The following SYN3 variants were observed in gnomAD, a reference collection of about 807,000 sequenced individuals.
SYN3 encodes the protein synapsin-3.
In SYN3, 35 loss-of-function variants were observed where a neutral mutation model predicts 65.8. The ratio of observed to expected loss-of-function variants is 0.53; its 90% CI spans 0.41 to 0.70. The LOEUF (loss-of-function observed/expected upper bound fraction) is 0.70, where lower values mean the gene tolerates loss of function less well. SYN3 is among the 30% of genes least tolerant of loss of function. The probability of loss-of-function intolerance (pLI) is 0.00; values close to 1 mark genes in which losing one functional copy is unlikely to be tolerated. For missense variants in SYN3, 680 were observed against 749.0 expected (o/e 0.91, Z 1.08); for synonymous variants, 270 against 292.9 (o/e 0.92, Z 0.80).
At chr22:32,660,254 G>A (rs1180579741) in intron 6 of SYN3, among the ~76,000 whole-genome samples, 1 of 152,158 alleles carries the variant, frequency 6.6e-6, no homozygotes, top group Non-Finnish European at 1.5e-5. Flanking sequence ...GTGGTCAGGA[G>A]GACTCCTTAA....
intron 6 of SYN3, among the ~76,000 whole-genome samples, chr22:32,626,559 G>C (rs936945277): frequency 6.6e-6 from 1 of 152,114 alleles, no homozygotes; most frequent in Non-Finnish European, 1.5e-5. Context: ...GAAGGAAGGC[G>C]GGAAAGGAAT....
At chr22:32,876,290 C>A (rs1168594496) in intron 4 of SYN3, among the ~76,000 whole-genome samples, 1 of 152,158 alleles carries the variant, frequency 6.6e-6, no homozygotes, top group Non-Finnish European at 1.5e-5. Flanking sequence ...ATGACTTAAT[C>A]ACCTCCTAAT....
At chr22:32,644,939 C>T (rs943142544) in intron 6 of SYN3, among the ~76,000 whole-genome samples, 1 of 152,148 alleles carries the variant, frequency 6.6e-6, no homozygotes, top group African/African-American at 2.4e-5. Flanking sequence ...GCCTAGCTCT[C>T]TCCAGCCTCA....
rs112549788 is a variant in SYN3, at chr22:32,699,612, C to G, written c.712-102876G>C. Among the ~76,000 whole-genome samples, 700 of 151,994 alleles carry G rather than the reference C, an allele frequency of 4.6e-3. 4 individuals are homozygous for G. Among genetic ancestry groups the G allele is most frequent in the Non-Finnish European group, 7.2e-3 (488 of 67,964 alleles). On this transcript the variant is annotated intron_variant, in intron 6 of 13. Transcript: ENST00000358763. ...GACCAAGTCACATTGCTCTCGGGGCCCAATTTGTTTACCTTCAAAAGATGA... is the reference window on the plus strand; with the variant it reads ...GACCAAGTCACATTGCTCTCGGGGCGCAATTTGTTTACCTTCAAAAGATGA...
chr22:32,789,988 A>C (rs1178628165), intron 6 of SYN3, among the ~76,000 whole-genome samples: 2 of 152,178 alleles, frequency 1.3e-5, no homozygotes, highest in Non-Finnish European at 2.9e-5. Flanking sequence ...ATATCATCTT[A>C]TTTATTCCTT....
intron 7 of SYN3, among the ~76,000 whole-genome samples, chr22:32,588,121 G>GATT (rs34900612): frequency 0.53 from 80,806 of 151,734 alleles, 23,541 homozygotes; most frequent in African/African-American, 0.79. Context: ...TTATTATTGT[G>GATT]ATTATTATTG....
chr22:32,516,261 C>T (rs1414915109), intron 13 of SYN3, among the ~76,000 whole-genome samples: 3 of 152,096 alleles, frequency 2.0e-5, no homozygotes, highest in Non-Finnish European at 4.4e-5. Context: ...CACATAGGAA[C>T]TAACAAAAGT....
intron 6 of SYN3, among the ~76,000 whole-genome samples, chr22:32,714,892 C>A (rs1479405407): frequency 6.6e-6 from 1 of 152,172 alleles, no homozygotes; most frequent in Non-Finnish European, 1.5e-5. Flanking sequence ...TCATACTTAG[C>A]ATATAGTAGA....
At chr22:32,900,355 G>A (rs572736798) in intron 4 of SYN3, among the ~76,000 whole-genome samples, 171 of 152,250 alleles carry the variant, frequency 1.1e-3, no homozygotes, top group Non-Finnish European at 1.5e-4. Flanking sequence ...CCTTACATCC[G>A]GGTCACTGCA....
intron 6 of SYN3, among the ~76,000 whole-genome samples, chr22:32,844,845 A>G (rs1310607304): frequency 6.6e-6 from 1 of 151,818 alleles, no homozygotes; most frequent in Non-Finnish European, 1.5e-5. Context: ...TGAGTAGCTG[A>G]GACTACAGAT....
intron 1 of SYN3, among the ~76,000 whole-genome samples, chr22:33,055,653 C>T (rs548750187): frequency 4.6e-4 from 70 of 152,134 alleles, no homozygotes; most frequent in African/African-American, 1.5e-3. Flanking sequence ...ATGACTGTTA[C>T]GAAGGGAGAA....
intron 6 of SYN3, among the ~76,000 whole-genome samples, chr22:32,786,903 G>A (rs2046207546): frequency 1.3e-5 from 2 of 152,068 alleles, no homozygotes; most frequent in African/African-American, 4.8e-5. Flanking sequence ...ATGGGAGGCT[G>A]GGGCAGACTC....
chr22:33,009,694 C>T (rs2145816745), intron 1 of SYN3, among the ~76,000 whole-genome samples: 1 of 151,050 alleles, frequency 6.6e-6, no homozygotes, highest in Admixed American at 6.6e-5. Flanking sequence ...TGAGACCACA[C>T]TTCTGTATTT....
At chr22:32,840,595 C>T (rs571116179) in intron 6 of SYN3, among the ~76,000 whole-genome samples, 45 of 152,026 alleles carry the variant, frequency 3.0e-4, no homozygotes, top group Admixed American at 4.6e-4. Context: ...GCTCAGAGCC[C>T]GGCTGTGATT....
At chr22:32,596,121 C>T (rs1386656881) in intron 7 of SYN3, among the ~76,000 whole-genome samples, 1 of 152,118 alleles carries the variant, frequency 6.6e-6, no homozygotes, top group Admixed American at 6.5e-5. Context: ...CTCTCTCTTC[C>T]TCCTGCTCCA....
chr22:32,660,397 T>C (rs1313978065), intron 6 of SYN3, among the ~76,000 whole-genome samples: 13 of 152,254 alleles, frequency 8.5e-5, no homozygotes, highest in South Asian at 8.3e-4. Flanking sequence ...AGTTGCGAAA[T>C]GGACACGGCT....
intron 7 of SYN3, among the ~76,000 whole-genome samples, chr22:32,572,409 GTCTTT>G (rs1569051674): frequency 0.11 from 451 of 4,086 alleles, 21 homozygotes; most frequent in African/African-American, 0.26. Flanking sequence ...CCTCCCTCCT[GTCTTT>G]CCTTCCTTCT....
rs543475191 is a variant in SYN3 at position 32,508,197 on chromosome 22, G to A, written c.*5495C>T. ...AAGGCCCTGCCCCGCCTTAACTGAT[G>A]ACATTCCACCATTGTGATTTGTTCC... On this transcript the variant is annotated 3_prime_UTR_variant, in exon 14 of 14. Coordinates refer to ENST00000358763, the MANE Select transcript of SYN3 (RefSeq NM_003490.4). 1.8e-4 allele frequency among the ~76,000 whole-genome samples: 27 copies of A among 152,078 alleles called. No individual in the cohort carries two copies. The highest frequency in any genetic ancestry group is 2.9e-4 in the Non-Finnish European group (20 of 68,026).
chr22:32,672,422 G>A (rs1166646448), intron 6 of SYN3, among the ~76,000 whole-genome samples: 2 of 152,230 alleles, frequency 1.3e-5, no homozygotes, highest in African/African-American at 4.8e-5. Flanking sequence ...AGTCATCAAC[G>A]TAAAGAAACT....
Sources: gnomAD v4.1 joint callset for allele counts (sites outside exome capture counted in the v4.1 genomes callset) on GRCh38, gnomAD v4.1.1 for gene constraint, MANE v1.5 for transcripts, NCBI Gene and HGNC (gene_info 2026-07-23, HGNC 2026-07-21) for gene names.